BEND4: variants seen among roughly 807,000 people sequenced by gnomAD.
BEND4 encodes BEN domain-containing protein 4.
In BEND4, 27 loss-of-function variants were observed where a neutral mutation model predicts 54.7. That is an observed-to-expected ratio of 0.49 (90% CI 0.36 to 0.68). The LOEUF is 0.68. Ranked by LOEUF, BEND4 falls within the 30% of genes least tolerant of loss-of-function variation. BEND4 has a pLI of 0.00. For missense variants in BEND4, 702 were observed against 697.2 expected (o/e 1.01, Z -0.08); for synonymous variants, 327 against 299.5 (o/e 1.09, Z -0.95).
chr4:42,139,563 T>C (rs1720813887), intron 3 of BEND4, among the ~76,000 whole-genome samples: 1 of 150,154 alleles, frequency 6.7e-6, no homozygotes, highest in South Asian at 2.1e-4. Context: ...TTTCAAGAAC[T>C]GCTCCCAGGT....
chr4:42,140,434 G>A (rs1720842264), intron 3 of BEND4, among the ~76,000 whole-genome samples: 1 of 152,128 alleles, frequency 6.6e-6, no homozygotes, highest in African/African-American at 2.4e-5. Context: ...ATGTGAAATG[G>A]TTGCTGGTTC....
chr4:42,141,982 G>A (rs576304554), intron 3 of BEND4, among the ~76,000 whole-genome samples: 9 of 151,556 alleles, frequency 5.9e-5, no homozygotes, highest in Non-Finnish European at 8.8e-5. Context: ...TCAGCTCACC[G>A]AACCTCTGCC....
At chr4:42,151,335 G>A in intron 2 of BEND4, 1 of 202,318 alleles carries the variant, frequency 4.9e-6, no homozygotes, top group Non-Finnish European at 8.8e-6. Flanking sequence ...AGCGGCCGCC[G>A]CTATCCCCCG....
chr4:42,144,511 G>A (rs1042323281), intron 2 of BEND4, among the ~76,000 whole-genome samples: 3 of 152,198 alleles, frequency 2.0e-5, no homozygotes, highest in Admixed American at 2.0e-4. Context: ...TTTTTGAAGA[G>A]CTCACTAGAA....
At chr4:42,144,497 A>T (rs979897131) in intron 2 of BEND4, among the ~76,000 whole-genome samples, 4 of 152,220 alleles carry the variant, frequency 2.6e-5, no homozygotes, top group African/African-American at 9.6e-5. Flanking sequence ...AAGAAAGATA[A>T]GTCTTTTTGA....
At chr4:42,150,791 G>A (rs1420989887) in intron 2 of BEND4, among the ~76,000 whole-genome samples, 1 of 152,204 alleles carries the variant, frequency 6.6e-6, no homozygotes, top group East Asian at 1.9e-4. Flanking sequence ...GAGGAGTCGC[G>A]GACCCCAGAG....
intron 3 of BEND4, among the ~76,000 whole-genome samples, chr4:42,129,578 A>G (rs1184169614): frequency 6.6e-6 from 1 of 152,206 alleles, no homozygotes; most frequent in Admixed American, 6.5e-5. Context: ...GAACTCAAAT[A>G]AGACTGCACA....
At chr4:42,131,330 G>A (rs553379236) in intron 3 of BEND4, among the ~76,000 whole-genome samples, 1 of 152,252 alleles carries the variant, frequency 6.6e-6, no homozygotes, top group Admixed American at 6.5e-5. Flanking sequence ...TATATGCATA[G>A]AAAAGAGATA....
At chr4:42,132,319 A>G (rs57478003) in intron 3 of BEND4, among the ~76,000 whole-genome samples, 7,799 of 152,274 alleles carry the variant, frequency 0.051, 698 homozygotes, top group African/African-American at 0.18. Flanking sequence ...CCCCAAGGGA[A>G]GAGAGAGTGA....
intron 3 of BEND4, among the ~76,000 whole-genome samples, chr4:42,138,726 A>G (rs772092323): frequency 1.3e-5 from 2 of 152,236 alleles, no homozygotes; most frequent in Non-Finnish European, 2.9e-5. Context: ...AATATCAACA[A>G]TAAACAGATC....
intron 2 of BEND4, among the ~76,000 whole-genome samples, chr4:42,149,128 T>C (rs530257021): frequency 2.6e-5 from 4 of 152,334 alleles, no homozygotes; most frequent in South Asian, 2.1e-4. Context: ...TTCAGTTTAC[T>C]AGGTAGCCTG....
Position 42,116,953 on chromosome 4 carries a change from C to G in BEND4, c.*565G>C, listed in dbSNP as rs1053991578. ...CAGTTGACCTGTAATTAATCACTGTCTGCAGATGTTGCCTCTGTTCTCTGG... is the reference window on the plus strand; with the variant it reads ...CAGTTGACCTGTAATTAATCACTGTGTGCAGATGTTGCCTCTGTTCTCTGG... On this transcript the variant is annotated 3_prime_UTR_variant, in exon 6 of 6. Coordinates refer to ENST00000502486, the MANE Select transcript of BEND4 (RefSeq NM_207406.4). 1 of 152,270 alleles carries G rather than the reference C, an allele frequency of 6.6e-6. No individual in the cohort carries two copies. Among genetic ancestry groups the G allele is most frequent in the Non-Finnish European group, 1.5e-5 (1 of 68,092 alleles). The allele number at this position is 152,270 out of a possible 1,614,324, so 9.4% of individuals were successfully genotyped here.
Position 42,152,199 on chromosome 4 carries a change from C to T in BEND4, c.-56G>A. On this transcript the variant is annotated 5_prime_UTR_variant, in exon 2 of 6. Coordinates refer to ENST00000502486, the MANE Select transcript of BEND4 (RefSeq NM_207406.4). The stretch of plus-strand genomic sequence containing the variant: ...CGTCCCCTCCCCGCCGGGCGCCGGG[C>T]TCCGAGGGTGCCTCCGCCGCCTGCC... 1 of 1,232,962 alleles carries T rather than the reference C, an allele frequency of 8.1e-7. No homozygotes were observed. Among genetic ancestry groups the T allele is most frequent in the Non-Finnish European group, 1.0e-6 (1 of 981,360 alleles). 76.4% of individuals were successfully genotyped at this position (1,232,962 alleles called of 1,614,324 possible).
rs546013437 is a variant in BEND4 at position 42,135,988 on chromosome 4, T to C, written c.1054+7440A>G. The stretch of plus-strand genomic sequence containing the variant: ...CTGTCTCCCTCAGTGTCACTGATAG[T>C]TGTAACCAAGAGCCATGATGATGTT... On this transcript the variant is annotated intron_variant, in intron 3 of 5. Coordinates refer to ENST00000502486, the MANE Select transcript of BEND4 (RefSeq NM_207406.4). Among the ~76,000 whole-genome samples the C allele has an allele frequency of 3.3e-5, 5 of 152,290 alleles. No homozygotes were observed. In the East Asian group the frequency reaches 5.8e-4, roughly 18 times the overall value.
chr4:42,117,668 T>C lies in BEND4; in HGVS notation c.1455A>G (p.Lys485=). 6.2e-7 allele frequency: 1 copy of C among 1,611,216 alleles called. No individual in the cohort carries two copies. The highest frequency in any genetic ancestry group is 1.1e-5 in the South Asian group (1 of 90,290). Residue 485 remains lysine, a synonymous_variant, in exon 6 of 6, where the codon AAA becomes AAG. Transcript: ENST00000502486. ...WWMPSEEQIN[K]VFSDAVGHAR... is the part of the protein sequence containing the mutation. ...CGTGACCGACAGCGTCGCTGAACAC[T>C]TTGTTTATCTGCTCTTCCGAGGGCA...
chr4:42,146,288 T>C (rs1339291135), intron 2 of BEND4, among the ~76,000 whole-genome samples: 2 of 152,202 alleles, frequency 1.3e-5, no homozygotes, highest in Non-Finnish European at 2.9e-5. Flanking sequence ...TCCCTCCTAG[T>C]GGAAGATAAA....
In BEND4 at chr4:42,114,695, T is replaced by C. The variant is rs1719727816; in HGVS notation, c.*2823A>G. On this transcript the variant is annotated 3_prime_UTR_variant, in exon 6 of 6. Transcript: ENST00000502486. ...AATGACAGCATCCGATCCTAGTGAG[T>C]GAGCTTTTAACCTGGCTACACAGAG... 1 of 151,980 alleles carries C rather than the reference T, an allele frequency of 6.6e-6. No individual in the cohort carries two copies. The highest frequency in any genetic ancestry group is 1.5e-5 in the Non-Finnish European group (1 of 67,986). 9.4% of individuals were successfully genotyped at this position (151,980 alleles called of 1,614,324 possible).
intron 3 of BEND4, among the ~76,000 whole-genome samples, chr4:42,136,309 A>G (rs565905550): frequency 3.9e-4 from 60 of 152,338 alleles, no homozygotes; most frequent in African/African-American, 1.4e-3. Flanking sequence ...AAAAACTGAC[A>G]TGATTGATCA....
intron 2 of BEND4, among the ~76,000 whole-genome samples, chr4:42,147,854 A>C (rs183575636): frequency 6.6e-6 from 1 of 152,154 alleles, no homozygotes; most frequent in Non-Finnish European, 1.5e-5. Flanking sequence ...GAAGTAGGCA[A>C]TCAAATAGTC....
Sources: gnomAD v4.1 joint callset for allele counts (sites outside exome capture counted in the v4.1 genomes callset) on GRCh38, gnomAD v4.1.1 for gene constraint, MANE v1.5 for transcripts, NCBI Gene and HGNC (gene_info 2026-07-23, HGNC 2026-07-21) for gene names.